Variants in IRF5 observed in about 807,000 individuals in gnomAD.
IRF5 encodes the protein interferon regulatory factor 5.
In IRF5, 24 loss-of-function variants were observed where a neutral mutation model predicts 55.1. That is an observed-to-expected ratio of 0.44 (90% CI 0.32 to 0.61). IRF5 has a LOEUF of 0.61. Among genes scored for constraint, IRF5 ranks in the 20% least tolerant of loss-of-function variants. The pLI is 0.07. For missense variants in IRF5, 499 were observed against 658.5 expected (o/e 0.76, Z 2.65); for synonymous variants, 258 against 260.2 (o/e 0.99, Z 0.08).
chr7:128,937,356 G>A (rs926362253), upstream of IRF5, among the ~76,000 whole-genome samples: 4 of 152,234 alleles, frequency 2.6e-5, no homozygotes, highest in African/African-American at 9.7e-5. Context: ...AGTAGTGAGA[G>A]GAGGTGGGAC....
rs549266708 is a variant in IRF5 at position 128,947,703 on chromosome 7, G to A, written c.788-26G>A. On this transcript the variant is annotated intron_variant, in intron 6 of 8. Transcript: ENST00000357234. This position sits in a 1 kb window ranked among gnomAD's most constrained non-coding sequence, Gnocchi z 6.5. The stretch of plus-strand genomic sequence containing the variant: ...TGGGGAGGCGTGGGGCTCAAGGACG[G>A]GATGGGCCTGCCTTCTGCCCCACAG... 2.5e-6 allele frequency: 4 copies of A among 1,573,498 alleles called. No individual in the cohort carries two copies. The highest frequency in any genetic ancestry group is 3.4e-6 in the Non-Finnish European group (4 of 1,164,180).
At position 128,947,573 on chromosome 7, in the gene IRF5, G is replaced by A; in HGVS notation, c.787+38G>A. ...GGCTGGGCACGGGGAAGCAGTGCTG[G>A]GGGATTGGGGTAGGATTGGCAAGGA... On this transcript the variant is annotated intron_variant, in intron 6 of 8. Coordinates refer to ENST00000357234, the MANE Select transcript of IRF5 (RefSeq NM_001098629.3). This position sits in a 1 kb window ranked among gnomAD's most constrained non-coding sequence, Gnocchi z 6.5. 6.5e-7 allele frequency: 1 copy of A among 1,528,580 alleles called. No homozygotes were observed. The allele number at this position is 1,528,580 out of a possible 1,614,324, so 94.7% of individuals were successfully genotyped here. A position where few individuals can be genotyped will look rare whatever the true frequency, so the allele number is the denominator to read the frequency against.
At position 128,949,365 on chromosome 7, in the gene IRF5, G is replaced by C. The variant is rs1193056577; in HGVS notation, c.*547G>C. On this transcript the variant is annotated 3_prime_UTR_variant, in exon 9 of 9. Transcript: ENST00000357234. ...GCAGAAATAATTTTTATGTATTTTT[G>C]GATTAATGAATGTTAAAAACAGACT... is the stretch of plus-strand genomic sequence containing the variant. The C allele has an allele frequency of 6.6e-6, 1 of 152,592 alleles. No homozygotes were observed. The highest frequency in any genetic ancestry group is 1.5e-5 in the Non-Finnish European group (1 of 68,340). 9.5% of individuals were successfully genotyped at this position (152,592 alleles called of 1,614,324 possible).
chr7:128,946,931 C>T lies in IRF5; in HGVS notation c.448-92C>T, dbSNP rs527920344. 2.7e-5 allele frequency: 41 copies of T among 1,503,860 alleles called. No individual in the cohort carries two copies. The highest frequency in any genetic ancestry group is 4.4e-4 in the Middle Eastern group (2 of 4,526). The allele number at this position is 1,503,860 out of a possible 1,614,324, so 93.2% of individuals were successfully genotyped here. On this transcript the variant is annotated intron_variant, in intron 4 of 8. Transcript: ENST00000357234. The surrounding 1 kb of genome is among the most constrained non-coding windows in gnomAD (Gnocchi z 4.2). ...GCTAGGGGAGTTGCCTCATAGTTCT[C>T]GCCTGTTATTTCCCCAGCCCCAGGT...
In IRF5 at chr7:128,946,916, T is replaced by C. The variant is rs1238404378; in HGVS notation, c.448-107T>C. 1.5e-6 allele frequency: 2 copies of C among 1,377,076 alleles called. No homozygotes were observed. Among genetic ancestry groups the C allele is most frequent in the African/African-American group, 2.9e-5 (2 of 69,966 alleles). 85.3% of individuals were successfully genotyped at this position (1,377,076 alleles called of 1,614,324 possible). A position where few individuals can be genotyped will look rare whatever the true frequency, so the allele number is the denominator to read the frequency against. On this transcript the variant is annotated intron_variant, in intron 4 of 8. Coordinates refer to ENST00000357234, the MANE Select transcript of IRF5 (RefSeq NM_001098629.3). This position sits in a 1 kb window ranked among gnomAD's most constrained non-coding sequence, Gnocchi z 4.2. ...CTGAGCTAAACTGAGGCTAGGGGAG[T>C]TGCCTCATAGTTCTCGCCTGTTATT...
In IRF5 at chr7:128,948,956, A is replaced by G. The variant is rs189382707; in HGVS notation, c.*138A>G. The G allele has an allele frequency of 2.4e-4, 257 of 1,070,896 alleles. 1 individual carries two copies. The East Asian group carries it at 5.5e-3, about 23-fold the overall frequency. The allele number at this position is 1,070,896 out of a possible 1,614,324, so 66.3% of individuals were successfully genotyped here. A position where few individuals can be genotyped will look rare whatever the true frequency, so the allele number is the denominator to read the frequency against. ...TTCCTGGAAGTGGATTTGGGCCAAGAAGGAGAGGGAGAAAGGCCCGAGCCC... is the reference window on the plus strand; with the variant it reads ...TTCCTGGAAGTGGATTTGGGCCAAGGAGGAGAGGGAGAAAGGCCCGAGCCC... On this transcript the variant is annotated 3_prime_UTR_variant, in exon 9 of 9. Transcript: ENST00000357234. The surrounding 1 kb of genome is among the most constrained non-coding windows in gnomAD (Gnocchi z 4.6).
In IRF5 at chr7:128,947,838, G is replaced by C. The variant is rs767924203; in HGVS notation, c.897G>C (p.Gln299His). ...RLFYSQLEAT[Q>H]EQVELFGPIS... is the part of the protein sequence containing the mutation. ...TCTACAGCCAGCTGGAGGCCACCCAGGAGCAGGTGGAACTCTTCGGCCCCA... is the reference window on the plus strand; with the variant it reads ...TCTACAGCCAGCTGGAGGCCACCCACGAGCAGGTGGAACTCTTCGGCCCCA... The change falls in exon 7 of 9, where the codon CAG (glutamine) becomes CAC (histidine). Residue 299 changes from glutamine to histidine, a missense_variant. Physicochemically the swap from Gln to His is conservative, Grantham distance 24. This residue lies in a region of IRF5 where 194 missense variants were observed against 318.3 expected (regional missense o/e 0.61). Transcript: ENST00000357234. This position sits in a 1 kb window ranked among gnomAD's most constrained non-coding sequence, Gnocchi z 6.5. The C allele has an allele frequency of 1.3e-5, 21 of 1,613,852 alleles. No homozygotes were observed. The highest frequency in any genetic ancestry group is 1.8e-5 in the Non-Finnish European group (21 of 1,179,990).
chr7:128,949,066 A>G lies in IRF5; in HGVS notation c.*248A>G. 1.9e-6 allele frequency: 1 copy of G among 531,694 alleles called. No individual in the cohort carries two copies. The highest frequency in any genetic ancestry group is 3.4e-6 in the Non-Finnish European group (1 of 296,172). 32.9% of individuals were successfully genotyped at this position (531,694 alleles called of 1,614,324 possible). ...GAAATTCAGCCATGAGCAGGGAAAG[A>G]ACTCTCCCAACCCTGGGGCCTAGCT... On this transcript the variant is annotated 3_prime_UTR_variant, in exon 9 of 9. Coordinates refer to ENST00000357234, the MANE Select transcript of IRF5 (RefSeq NM_001098629.3).
In IRF5 at chr7:128,946,368, C is replaced by T. The variant is rs1796302469; in HGVS notation, c.386-133C>T. ...CAATCCTGGTGGCTGTGCCCTCCAC[C>T]TCGCCCTGTGTTGGGGGCAGCTTTG... On this transcript the variant is annotated intron_variant, in intron 3 of 8. Transcript: ENST00000357234. The surrounding 1 kb of genome is among the most constrained non-coding windows in gnomAD (Gnocchi z 4.2). 2 of 1,112,216 alleles carry T rather than the reference C, an allele frequency of 1.8e-6. No individual in the cohort carries two copies. The highest frequency in any genetic ancestry group is 1.6e-5 in the African/African-American group (1 of 64,244). The allele number at this position is 1,112,216 out of a possible 1,614,324, so 68.9% of individuals were successfully genotyped here.
Position 128,947,049 on chromosome 7 carries a change from C to T in IRF5, c.474C>T (p.Ser158=), listed in dbSNP as rs763385119. 37 of 1,614,098 alleles carry T rather than the reference C, an allele frequency of 2.3e-5. No individual in the cohort carries two copies. Among genetic ancestry groups the T allele is most frequent in the Non-Finnish European group, 3.1e-5 (37 of 1,180,002 alleles). ...TGCAGAGGATGTTGCCAAGCCTGAGCCTCACAGGTGGGGCCGGGAGGTGGT... is the reference window on the plus strand; with the variant it reads ...TGCAGAGGATGTTGCCAAGCCTGAGTCTCACAGGTGGGGCCGGGAGGTGGT... ...EELQRMLPSL[S]LTDAVQSGPH... is the part of the protein sequence containing the mutation. The change falls in exon 5 of 9, where the codon AGC becomes AGT. Residue 158 remains serine (S), a synonymous_variant. Coordinates refer to ENST00000357234, the MANE Select transcript of IRF5 (RefSeq NM_001098629.3). The surrounding 1 kb of genome is among the most constrained non-coding windows in gnomAD (Gnocchi z 6.5).
intron 2 of IRF5, among the ~76,000 whole-genome samples, chr7:128,945,395 T>C (rs780825541): frequency 2.6e-5 from 4 of 152,206 alleles, no homozygotes; most frequent in Non-Finnish European, 4.4e-5. Flanking sequence ...TGCGAGCCAC[T>C]GTGCCCAGCC....
Position 128,942,225 on chromosome 7 carries a change from G to A in IRF5, c.144G>A (p.Arg48=). 1 of 1,614,008 alleles carries A rather than the reference G, an allele frequency of 6.2e-7. No individual in the cohort carries two copies. Among genetic ancestry groups the A allele is most frequent in the Non-Finnish European group, 8.5e-7 (1 of 1,179,966 alleles). ...AGAAATTATTCTGCATCCCCTGGAG[G>A]CATGCCACAAGGCATGGTCCCAGCC... ...GEKKLFCIPW[R]HATRHGPSQD... Residue 48 remains arginine (R), a synonymous_variant, in exon 2 of 9, where the codon AGG becomes AGA. Transcript: ENST00000357234.
At position 128,947,903 on chromosome 7, in the gene IRF5, T is replaced by A. The variant is rs1796412068; in HGVS notation, c.962T>A (p.Ile321Asn). 6.2e-7 allele frequency: 1 copy of A among 1,614,022 alleles called. No homozygotes were observed. The highest frequency in any genetic ancestry group is 8.5e-7 in the Non-Finnish European group (1 of 1,179,982). Residue 321 changes from isoleucine (I) to asparagine (N), a missense_variant, in exon 7 of 9, where the codon ATC (isoleucine) becomes AAC (asparagine). Ile to Asn is a moderately radical substitution (Grantham distance 149). Transcript: ENST00000357234. The surrounding 1 kb of genome is among the most constrained non-coding windows in gnomAD (Gnocchi z 6.5). The stretch of plus-strand genomic sequence containing the variant: ...GTGCGCTTCCCCAGCCCTGAGGACA[T>A]CCCCAGTGACAAGCAGCGCTTCTAC... ...EQVRFPSPED[I>N]PSDKQRFYTN...
In IRF5 at chr7:128,949,124, C is replaced by T; in HGVS notation, c.*306C>T. Reference sequence around the variant, plus strand: ...AGGAATTGCCTAAGGGTGGCCCACTCTTGTGATTGCCCCATTTCCTCTGGC... The same window carrying T: ...AGGAATTGCCTAAGGGTGGCCCACTTTTGTGATTGCCCCATTTCCTCTGGC... On this transcript the variant is annotated 3_prime_UTR_variant, in exon 9 of 9. Transcript: ENST00000357234. 1 of 325,818 alleles carries T rather than the reference C, an allele frequency of 3.1e-6. No individual in the cohort carries two copies. Among genetic ancestry groups the T allele is most frequent in the East Asian group, 5.9e-5 (1 of 17,052 alleles). The allele number at this position is 325,818 out of a possible 1,614,324, so 20.2% of individuals were successfully genotyped here. A position where few individuals can be genotyped will look rare whatever the true frequency, so the allele number is the denominator to read the frequency against.
At position 128,946,328 on chromosome 7, in the gene IRF5, C is replaced by T. The variant is rs757162752; in HGVS notation, c.386-173C>T. ...GCCTAGGTCTCATGGCCCATGGAGTCGGGGAGGTCTTTCCCAATCCTGGTG... is the reference window on the plus strand; with the variant it reads ...GCCTAGGTCTCATGGCCCATGGAGTTGGGGAGGTCTTTCCCAATCCTGGTG... On this transcript the variant is annotated intron_variant, in intron 3 of 8. Transcript: ENST00000357234. This position sits in a 1 kb window ranked among gnomAD's most constrained non-coding sequence, Gnocchi z 4.2. Among the ~76,000 whole-genome samples, 8 of 152,186 alleles carry T rather than the reference C, an allele frequency of 5.3e-5. No individual in the cohort carries two copies. Among genetic ancestry groups the T allele is most frequent in the African/African-American group, 7.2e-5 (3 of 41,446 alleles).
At position 128,946,755 on chromosome 7, in the gene IRF5, C is replaced by T; in HGVS notation, c.447+193C>T. On this transcript the variant is annotated intron_variant, in intron 4 of 8. Coordinates refer to ENST00000357234, the MANE Select transcript of IRF5 (RefSeq NM_001098629.3). This position sits in a 1 kb window ranked among gnomAD's most constrained non-coding sequence, Gnocchi z 4.2. ...CTCCTTCCCAGGGCATTGTCATTAC[C>T]CTGTGTGTGTGACCCACGCAGCAGT... 3.1e-6 allele frequency: 2 copies of T among 635,420 alleles called. No individual in the cohort carries two copies. Among genetic ancestry groups the T allele is most frequent in the Non-Finnish European group, 5.6e-6 (2 of 356,732 alleles). 39.4% of individuals were successfully genotyped at this position (635,420 alleles called of 1,614,324 possible).
intron 2 of IRF5, among the ~76,000 whole-genome samples, chr7:128,944,222 T>C (rs942197859): frequency 6.6e-6 from 1 of 152,196 alleles, no homozygotes; most frequent in African/African-American, 2.4e-5. Context: ...ACTGGAATGG[T>C]TTAGCACAAT....
chr7:128,948,394 T>A lies in IRF5; in HGVS notation c.1299+66T>A. 5 of 1,470,910 alleles carry A rather than the reference T, an allele frequency of 3.4e-6. No individual in the cohort carries two copies. The highest frequency in any genetic ancestry group is 2.3e-5 in the East Asian group (1 of 43,968). The allele number at this position is 1,470,910 out of a possible 1,614,324, so 91.1% of individuals were successfully genotyped here. On this transcript the variant is annotated intron_variant, in intron 8 of 8. Transcript: ENST00000357234. This position sits in a 1 kb window ranked among gnomAD's most constrained non-coding sequence, Gnocchi z 4.6. ...CTGGGGAATCCTGGGGCTAGGCCCTTGCCCCAGGCTGGAGGCTCAGGGCTC... is the reference window on the plus strand; with the variant it reads ...CTGGGGAATCCTGGGGCTAGGCCCTAGCCCCAGGCTGGAGGCTCAGGGCTC...
At chr7:128,940,000 G>C (rs1445459729) in intron 1 of IRF5, among the ~76,000 whole-genome samples, 1 of 152,226 alleles carries the variant, frequency 6.6e-6, no homozygotes, top group Admixed American at 6.5e-5. Flanking sequence ...GAGGATGGAT[G>C]CTGTTCGGGT....
Sources: allele counts gnomAD v4.1 joint callset (sites outside exome capture counted in the v4.1 genomes callset), GRCh38; gene constraint gnomAD v4.1.1; regional missense constraint gnomAD v4.1.1; non-coding constraint Gnocchi (gnomAD v3.1); transcripts MANE v1.5; gene names NCBI Gene and HGNC (gene_info 2026-07-23, HGNC 2026-07-21).